Variants in GIGYF2 observed in about 807,000 individuals in gnomAD.
GIGYF2 encodes GRB10 interacting GYF protein 2, also known as GRB10-interacting GYF protein 2.
A neutral mutation model predicts 208.1 loss-of-function variants in GIGYF2; 25 were observed. The observed-to-expected ratio is 0.12, with a 90% confidence interval of 0.09 to 0.17. The LOEUF (loss-of-function observed/expected upper bound fraction) is 0.17. GIGYF2 is among the 10% of genes least tolerant of loss of function. The probability of loss-of-function intolerance (pLI) is 1.00; values close to 1 mark genes in which losing one functional copy is unlikely to be tolerated. For synonymous variants in GIGYF2, 534 were observed against 543.8 expected, an observed-to-expected ratio of 0.98 and a Z score of 0.25; for missense variants, 1,302 against 1,579.4, an observed-to-expected ratio of 0.82 and a Z score of 2.98.
intron 2 of GIGYF2, among the ~76,000 whole-genome samples, chr2:232,727,521 G>C (rs1697257125): frequency 6.6e-6 from 1 of 152,236 alleles, no homozygotes. Context: ...GGGGAGGCAA[G>C]AGTAATTATG....
chr2:232,729,875 C>G (rs761309774), intron 2 of GIGYF2: 12 of 737,758 alleles, frequency 1.6e-5, no homozygotes, highest in Admixed American at 7.1e-5. Flanking sequence ...CTTTTCTCCT[C>G]CCATCAGCTC....
At position 232,860,577 on chromosome 2, in the gene GIGYF2, A is replaced by G. The variant is rs1302975559; in HGVS notation, c.*3717A>G. On this transcript the variant is annotated 3_prime_UTR_variant, in exon 29 of 29. Transcript: ENST00000373563. ...TAATAAAAGTATGTGAATGACTCTA[A>G]TTAAACAGAAGTGATTCTTTGAAAT... The G allele has an allele frequency of 1.3e-5, 2 of 152,158 alleles. No individual in the cohort carries two copies. Among genetic ancestry groups the G allele is most frequent in the African/African-American group, 4.8e-5 (2 of 41,436 alleles). 9.4% of individuals were successfully genotyped at this position (152,158 alleles called of 1,614,324 possible).
intron 15 of GIGYF2, among the ~76,000 whole-genome samples, chr2:232,808,284 A>G (rs2106381759): frequency 6.6e-6 from 1 of 152,330 alleles, no homozygotes; most frequent in African/African-American, 2.4e-5. Context: ...CTTCTCTGAA[A>G]TTAAGATGAG....
intron 26 of GIGYF2, 116 bp from the exon 27 acceptor site, chr2:232,847,232 G>A: frequency 1.0e-6 from 1 of 1,000,882 alleles, no homozygotes; most frequent in Non-Finnish European, 1.6e-6. Context: ...CTTACCAAGT[G>A]TCTGTCATTA....
chr2:232,755,546 C>T (rs1377199157), intron 5 of GIGYF2, among the ~76,000 whole-genome samples: 2 of 152,204 alleles, frequency 1.3e-5, no homozygotes, highest in African/African-American at 4.8e-5. Flanking sequence ...AGGTGCACTC[C>T]ACTATCTCTT....
intron 8 of GIGYF2, among the ~76,000 whole-genome samples, chr2:232,769,106 T>G (rs1253311790): frequency 6.6e-6 from 1 of 152,182 alleles, no homozygotes; most frequent in Non-Finnish European, 1.5e-5. Context: ...ATTGGTCATT[T>G]CCTATATTCC....
At chr2:232,773,092 T>A (rs574993054) in intron 8 of GIGYF2, among the ~76,000 whole-genome samples, 1 of 152,324 alleles carries the variant, frequency 6.6e-6, no homozygotes, top group East Asian at 1.9e-4. Flanking sequence ...TCATATGATA[T>A]AGACTTTAAA....
intron 3 of GIGYF2, chr2:232,736,564 G>A (rs552250855): frequency 6.6e-6 from 1 of 152,236 alleles, no homozygotes; most frequent in East Asian, 1.9e-4. Flanking sequence ...TTGTATGGAT[G>A]TACCATCATT....
chr2:232,786,005 A>G (rs1207745276), intron 8 of GIGYF2, among the ~76,000 whole-genome samples: 1 of 152,252 alleles, frequency 6.6e-6, no homozygotes, highest in Non-Finnish European at 1.5e-5. Context: ...GTTATGAGTT[A>G]TATATGTTAG....
chr2:232,751,257 C>G (rs967110016), intron 5 of GIGYF2, among the ~76,000 whole-genome samples: 1 of 152,202 alleles, frequency 6.6e-6, no homozygotes, highest in African/African-American at 2.4e-5. Flanking sequence ...CTCAGTCACT[C>G]AGGCTGTAGT....
At chr2:232,733,723 C>T (rs1304720353) in intron 2 of GIGYF2, among the ~76,000 whole-genome samples, 1 of 152,088 alleles carries the variant, frequency 6.6e-6, no homozygotes, top group Non-Finnish European at 1.5e-5. Flanking sequence ...ATAGTGTTTG[C>T]GTATAACCTA....
intron 3 of GIGYF2, among the ~76,000 whole-genome samples, chr2:232,742,582 T>C (rs1189678901): frequency 6.6e-6 from 1 of 152,098 alleles, no homozygotes; most frequent in African/African-American, 2.4e-5. Context: ...TAGTTCTTAG[T>C]AACGTAGGAG....
At chr2:232,853,667 C>G (rs1690444027) in intron 28 of GIGYF2, among the ~76,000 whole-genome samples, 1 of 152,208 alleles carries the variant, frequency 6.6e-6, no homozygotes, top group South Asian at 2.1e-4. Context: ...TCTCCCCAGA[C>G]TTTCCTTGTA....
chr2:232,718,824 G>GA (rs984472565), intron 2 of GIGYF2, among the ~76,000 whole-genome samples: 7 of 152,250 alleles, frequency 4.6e-5, no homozygotes, highest in Non-Finnish European at 7.3e-5. Context: ...TCTGCTTTTG[G>GA]AAAAACGTAG....
intron 25 of GIGYF2, among the ~76,000 whole-genome samples, chr2:232,845,370 G>A (rs1027844084): frequency 6.6e-6 from 1 of 152,108 alleles, no homozygotes; most frequent in Non-Finnish European, 1.5e-5. Context: ...TGTGCTGTAG[G>A]CCTTTTCATA....
intron 2 of GIGYF2, among the ~76,000 whole-genome samples, chr2:232,706,340 A>G (rs1025775556): frequency 6.6e-6 from 1 of 152,208 alleles, no homozygotes; most frequent in Non-Finnish European, 1.5e-5. Context: ...TTTCTGCATA[A>G]TTTGTGTAAA....
Position 232,794,868 on chromosome 2 carries a change from C to G in GIGYF2, c.1403C>G (p.Pro468Arg). The G allele has an allele frequency of 6.2e-7, 1 of 1,613,804 alleles. No homozygotes were observed. Among genetic ancestry groups the G allele is most frequent in the Non-Finnish European group, 8.5e-7 (1 of 1,179,712 alleles). ...PSPTLRPVETPVVGAPGMGSV... is the reference protein window; with the variant it reads ...PSPTLRPVETRVVGAPGMGSV... ...CCTACTCTCCGGCCAGTTGAAACAC[C>G]AGTTGTAGGTGCTCCTGGTATGGGC... The change falls in exon 13 of 29, where the codon CCA (proline) becomes CGA (arginine). Residue 468 changes from proline to arginine, a missense_variant. Pro to Arg is a moderately radical substitution (Grantham distance 103). Around this residue, in one of 8 missense-constraint regions of GIGYF2, gnomAD observed 235 missense variants for 218.8 expected, o/e 1.07. Coordinates refer to ENST00000373563, the MANE Select transcript of GIGYF2 (RefSeq NM_001103146.3).
intron 19 of GIGYF2, 131 bp downstream of exon 19, chr2:232,815,868 C>A: frequency 1.5e-6 from 1 of 676,450 alleles, no homozygotes; most frequent in Non-Finnish European, 2.7e-6. Context: ...GGTATAAGTA[C>A]ATTCATATTG....
chr2:232,761,690 A>G (rs1000228831), intron 8 of GIGYF2: 4 of 311,638 alleles, frequency 1.3e-5, no homozygotes, highest in Admixed American at 9.1e-5. Context: ...TTAGGAACCA[A>G]TCTACTAACT....
Sources: gnomAD v4.1 joint callset for allele counts (sites outside exome capture counted in the v4.1 genomes callset) on GRCh38, gnomAD v4.1.1 for gene constraint, gnomAD v4.1.1 regional missense constraint, MANE v1.5 for transcripts, NCBI Gene and HGNC (gene_info 2026-07-23, HGNC 2026-07-21) for gene names.